ATP13A5: variants seen among roughly 807,000 people sequenced by gnomAD.
The protein encoded by ATP13A5 is probable cation-transporting ATPase 13A5.
ATP13A5 carries 149 observed loss-of-function variants against 150.2 expected under a neutral mutation model. That is an observed-to-expected ratio of 0.99 (90% CI 0.87 to 1.14). ATP13A5 has a LOEUF of 1.14. ATP13A5 is among the 50% of genes most tolerant of loss of function. The pLI is 0.00. For synonymous variants in ATP13A5, 497 were observed against 522.2 expected (o/e 0.95, Z 0.66); for missense variants, 1,383 against 1,449.3 (o/e 0.95, Z 0.74).
At chr3:193,357,177 G>A (rs773518710) in intron 5 of ATP13A5, among the ~76,000 whole-genome samples, 13 of 152,202 alleles carry the variant, frequency 8.5e-5, no homozygotes, top group Non-Finnish European at 8.8e-5. Flanking sequence ...GTCTGACCTA[G>A]AGGATATTCC....
intron 16 of ATP13A5, 53 bp downstream of exon 16, chr3:193,321,628 C>A: frequency 6.3e-7 from 1 of 1,589,330 alleles, no homozygotes. Context: ...AAGATTCTGT[C>A]TCAAAGAAAA....
chr3:193,339,460 G>A (rs1013136101), intron 9 of ATP13A5, among the ~76,000 whole-genome samples: 2 of 152,154 alleles, frequency 1.3e-5, no homozygotes, highest in African/African-American at 4.8e-5. Flanking sequence ...CAAATGCGCA[G>A]ATGAATTAAA....
At chr3:193,375,222 T>C (rs1224978207) in intron 1 of ATP13A5, among the ~76,000 whole-genome samples, 1 of 152,174 alleles carries the variant, frequency 6.6e-6, no homozygotes, top group African/African-American at 2.4e-5. Flanking sequence ...AAGATATGTT[T>C]AGAAAAGCTG....
chr3:193,322,570 A>G lies in ATP13A5; in HGVS notation c.1679T>C (p.Met560Thr), dbSNP rs768573614. ...GCAGGAGTCTACAATGCAATCTTCC[A>G]TTTTCTGTTATAAAATGAAAACATT... is the stretch of plus-strand genomic sequence containing the variant. Reference protein sequence around the residue: ...LKMFEGTAWKMEDCIVDSCKF... With the variant: ...LKMFEGTAWKTEDCIVDSCKF... The change falls in exon 15 of 30, where the codon ATG (methionine) becomes ACG (threonine). Residue 560 changes from methionine (M) to threonine (T), a missense_variant. Met to Thr is a moderately conservative substitution (Grantham distance 81, BLOSUM62 -1). Around this residue, in one of 3 missense-constraint regions of ATP13A5, gnomAD observed 787 missense variants for 771.9 expected, o/e 1.02. Transcript: ENST00000342358. 10 of 1,604,844 alleles carry G rather than the reference A, an allele frequency of 6.2e-6. No homozygotes were observed. Among genetic ancestry groups the G allele is most frequent in the Middle Eastern group, 1.7e-4 (1 of 6,042 alleles).
intron 16 of ATP13A5, among the ~76,000 whole-genome samples, 159 bp from the exon 17 acceptor site, chr3:193,319,267 A>C (rs2108860039): frequency 6.6e-6 from 1 of 152,342 alleles, no homozygotes. Flanking sequence ...AAACAACTTC[A>C]TCAGTGTGTT....
intron 1 of ATP13A5, among the ~76,000 whole-genome samples, chr3:193,377,335 C>T (rs1713678962): frequency 6.6e-6 from 1 of 152,162 alleles, no homozygotes; most frequent in Admixed American, 6.5e-5. Context: ...CAAATATGAG[C>T]TGCCTTCTTA....
At chr3:193,333,068 G>A (rs982055654) in intron 11 of ATP13A5, among the ~76,000 whole-genome samples, 3 of 151,830 alleles carry the variant, frequency 2.0e-5, no homozygotes, top group African/African-American at 7.3e-5. Context: ...AAGTTTTGGC[G>A]TGAACATTGC....
At chr3:193,312,134 C>A (rs1289962182) in intron 19 of ATP13A5, among the ~76,000 whole-genome samples, 193 bp from the exon 20 acceptor site, 1 of 152,186 alleles carries the variant, frequency 6.6e-6, no homozygotes, top group African/African-American at 2.4e-5. Flanking sequence ...ATTATGTAAA[C>A]ATATGATACT....
At chr3:193,351,310 A>C in intron 6 of ATP13A5, 109 bp from the exon 7 acceptor site, 2 of 1,255,934 alleles carry the variant, frequency 1.6e-6, no homozygotes, top group Non-Finnish European at 1.1e-6. Flanking sequence ...ACATACACAA[A>C]CCTCTAATAT....
intron 12 of ATP13A5, among the ~76,000 whole-genome samples, chr3:193,329,943 A>G (rs936635603): frequency 3.3e-5 from 5 of 152,172 alleles, no homozygotes; most frequent in East Asian, 1.9e-4. Context: ...GTCTTCTTAA[A>G]AAGTAAAGGC....
chr3:193,299,039 G>A (rs1470518733), intron 25 of ATP13A5, 92 bp downstream of exon 25: 17 of 969,298 alleles, frequency 1.8e-5, no homozygotes, highest in Non-Finnish European at 2.5e-5. Context: ...AAATAAGGGT[G>A]CCTCTTTCTC....
At chr3:193,309,464 G>A (rs1214533646) in intron 21 of ATP13A5, among the ~76,000 whole-genome samples, 8 of 152,146 alleles carry the variant, frequency 5.3e-5, no homozygotes, top group African/African-American at 1.9e-4. Context: ...TCTGGAATAG[G>A]TAACTTCTAA....
Position 193,331,421 on chromosome 3 carries a change from C to A in ATP13A5, c.1273-110G>T. On this transcript the variant is annotated intron_variant, in intron 11 of 29. Transcript: ENST00000342358. The stretch of plus-strand genomic sequence containing the variant: ...GTCTCCTACTGCAGAGCAAAGGAGA[C>A]CTTTGATCCCTACTCCCAGTCCACC... 3 of 967,952 alleles carry A rather than the reference C, an allele frequency of 3.1e-6. No homozygotes were observed. The South Asian group carries it at 6.3e-5, about 20-fold the overall frequency. The allele number at this position is 967,952 out of a possible 1,614,324, so 60.0% of individuals were successfully genotyped here.
At chr3:193,341,128 C>CTA (rs1178246065) in intron 9 of ATP13A5, among the ~76,000 whole-genome samples, 2 of 151,788 alleles carry the variant, frequency 1.3e-5, no homozygotes, top group Non-Finnish European at 2.9e-5. Flanking sequence ...AGAAAAAAAG[C>CTA]TATAGTGCCA....
Position 193,321,806 on chromosome 3 carries a change from T to C in ATP13A5, c.1790A>G (p.Gln597Arg). 3.7e-6 allele frequency: 6 copies of C among 1,614,088 alleles called. No homozygotes were observed. Among genetic ancestry groups the C allele is most frequent in the Non-Finnish European group, 5.1e-6 (6 of 1,180,000 alleles). The change falls in exon 16 of 30, where the codon CAG (glutamine) becomes CGG (arginine). Residue 597 changes from glutamine to arginine, a missense_variant. Gln to Arg is a conservative substitution (Grantham distance 43, BLOSUM62 1). Around this residue, in one of 3 missense-constraint regions of ATP13A5, gnomAD observed 787 missense variants for 771.9 expected, o/e 1.02. Transcript: ENST00000342358. The stretch of plus-strand genomic sequence containing the variant: ...CTGCAGGCTCGAGGAAAATGGAAAC[T>C]GGCACAAGGTGATGATGGCTTCCAC... The part of the protein sequence containing the change: ...SPVEAIITLC[Q>R]FPFSSSLQRM...
chr3:193,360,436 A>G (rs1354079766), intron 5 of ATP13A5, among the ~76,000 whole-genome samples: 1 of 152,214 alleles, frequency 6.6e-6, no homozygotes, highest in Non-Finnish European at 1.5e-5. Context: ...AAGCAAGCTC[A>G]AATTCACTAG....
At chr3:193,280,031 C>A (rs1361177323) in intron 27 of ATP13A5, among the ~76,000 whole-genome samples, 2 of 116,302 alleles carry the variant, frequency 1.7e-5, no homozygotes, top group Non-Finnish European at 3.4e-5. Context: ...ACATAATAAT[C>A]TTCCTGTCTT....
chr3:193,362,524 TC>T (rs779880290), intron 4 of ATP13A5, 42 bp downstream of exon 4: 5 of 1,612,890 alleles, frequency 3.1e-6, no homozygotes, highest in Non-Finnish European at 3.4e-6. Context: ...TCAGTGTTTT[TC>T]CCCTATATCC....
At position 193,321,847 on chromosome 3, in the gene ATP13A5, C is replaced by A. The variant is rs1465851161; in HGVS notation, c.1759-10G>T. Reference sequence around the variant, plus strand: ...TGGCTTCCACTGGACTCTGCAAGCCCATCAACAACAGGGAGCTTAACAAGC... The same window carrying A: ...TGGCTTCCACTGGACTCTGCAAGCCAATCAACAACAGGGAGCTTAACAAGC... On this transcript the variant is annotated splice_polypyrimidine_tract_variant and intron_variant, in intron 15 of 29. Coordinates refer to ENST00000342358, the MANE Select transcript of ATP13A5 (RefSeq NM_198505.4). The A allele has an allele frequency of 6.2e-7, 1 of 1,612,136 alleles. No homozygotes were observed. The highest frequency in any genetic ancestry group is 8.5e-7 in the Non-Finnish European group (1 of 1,178,804).
Sources: gnomAD v4.1 joint callset for allele counts (sites outside exome capture counted in the v4.1 genomes callset) on GRCh38, gnomAD v4.1.1 for gene constraint, gnomAD v4.1.1 regional missense constraint, MANE v1.5 for transcripts, NCBI Gene and HGNC (gene_info 2026-07-23, HGNC 2026-07-21) for gene names.